The following CNTN4 variants were observed in gnomAD, a reference collection of about 807,000 sequenced individuals.
CNTN4 encodes contactin 4.
In CNTN4, 77 loss-of-function variants were observed where a neutral mutation model predicts 122.5. That is an observed-to-expected ratio of 0.63 (90% CI 0.52 to 0.76). The LOEUF (loss-of-function observed/expected upper bound fraction) is 0.76. CNTN4 is among the 30% of genes least tolerant of loss of function. The pLI, the probability that CNTN4 is intolerant of heterozygous loss-of-function variation, is 0.00. For synonymous variants in CNTN4, 512 were observed against 447.0 expected (o/e 1.15, Z -1.83); for missense variants, 1,256 against 1,259.1 (o/e 1.00, Z 0.04).
chr3:2,424,302 G>A (rs890218835), intron 3 of CNTN4, among the ~76,000 whole-genome samples: 4 of 143,766 alleles, frequency 2.8e-5, no homozygotes, highest in Middle Eastern at 4.0e-3. Flanking sequence ...ACCTATGAGT[G>A]AGAACATGTG....
intron 4 of CNTN4, among the ~76,000 whole-genome samples, chr3:2,732,100 C>A (rs138121274): frequency 3.7e-4 from 57 of 152,302 alleles, no homozygotes; most frequent in African/African-American, 1.3e-3. Context: ...CTCTCTAAAT[C>A]TTATCAAGCA....
At chr3:2,301,936 G>A (rs927330548) in intron 2 of CNTN4, among the ~76,000 whole-genome samples, 1 of 152,230 alleles carries the variant, frequency 6.6e-6, no homozygotes, top group Non-Finnish European at 1.5e-5. Context: ...TAGCCTGAAA[G>A]TCTGAAATTG....
At chr3:3,027,205 A>G (rs964759387) in intron 15 of CNTN4, among the ~76,000 whole-genome samples, 2 of 152,216 alleles carry the variant, frequency 1.3e-5, no homozygotes, top group Non-Finnish European at 2.9e-5. Flanking sequence ...TTTATCAAAC[A>G]GGGTTTTTGC....
At chr3:2,494,021 T>G (rs1254548824) in intron 3 of CNTN4, among the ~76,000 whole-genome samples, 1 of 151,796 alleles carries the variant, frequency 6.6e-6, no homozygotes, top group East Asian at 1.9e-4. Context: ...CTGGATTGTT[T>G]ATTAGGATTT....
intron 3 of CNTN4, among the ~76,000 whole-genome samples, chr3:2,483,159 TCA>T (rs1217958953): frequency 6.6e-6 from 1 of 152,216 alleles, no homozygotes; most frequent in African/African-American, 2.4e-5. Context: ...ACCTGTTGCA[TCA>T]GTTTGACCTG....
intron 2 of CNTN4, among the ~76,000 whole-genome samples, chr3:2,205,892 T>A (rs1207968072): frequency 2.0e-5 from 3 of 152,090 alleles, no homozygotes; most frequent in African/African-American, 7.2e-5. Context: ...AATCACTGAA[T>A]CAGCAGTTCT....
chr3:2,447,400 A>T (rs967676739), intron 3 of CNTN4, among the ~76,000 whole-genome samples: 6 of 152,168 alleles, frequency 3.9e-5, no homozygotes, highest in Admixed American at 3.9e-4. Flanking sequence ...CATTAAGTTG[A>T]TATCAGTGTA....
chr3:2,257,460 G>A (rs1443145960), intron 2 of CNTN4, among the ~76,000 whole-genome samples: 1 of 152,108 alleles, frequency 6.6e-6, no homozygotes, highest in Non-Finnish European at 1.5e-5. Context: ...AACCTAAAGA[G>A]CTTCCTCACA....
intron 2 of CNTN4, among the ~76,000 whole-genome samples, chr3:2,120,547 T>C (rs62244627): frequency 0.22 from 33,331 of 150,280 alleles, 4,601 homozygotes; most frequent in Admixed American, 0.33. Context: ...GGATTACAGG[T>C]GCACACCACT....
At chr3:2,737,377 A>G (rs1008253133) in intron 5 of CNTN4, among the ~76,000 whole-genome samples, 4 of 152,148 alleles carry the variant, frequency 2.6e-5, no homozygotes, top group Admixed American at 2.0e-4. Context: ...CACCACGCCC[A>G]GCCCGTAAAG....
At chr3:2,339,413 A>G (rs2044094202) in intron 3 of CNTN4, among the ~76,000 whole-genome samples, 180 bp downstream of exon 3, 1 of 152,190 alleles carries the variant, frequency 6.6e-6, no homozygotes, top group Non-Finnish European at 1.5e-5. Flanking sequence ...AAAGCCTGAA[A>G]CTAAGAAATA....
intron 12 of CNTN4, among the ~76,000 whole-genome samples, chr3:2,905,621 A>G (rs1037903103): frequency 2.3e-4 from 35 of 152,258 alleles, no homozygotes; most frequent in African/African-American, 8.4e-4. Context: ...TTCAGACTAT[A>G]GCAGTAGAGC....
intron 6 of CNTN4, among the ~76,000 whole-genome samples, chr3:2,794,248 A>G (rs1230215837): frequency 6.6e-6 from 1 of 152,196 alleles, no homozygotes; most frequent in African/African-American, 2.4e-5. Context: ...CCATCAGTAG[A>G]AAAAGACTTA....
At chr3:2,535,256 C>T (rs2077756519) in intron 3 of CNTN4, among the ~76,000 whole-genome samples, 1 of 152,100 alleles carries the variant, frequency 6.6e-6, no homozygotes, top group African/African-American at 2.4e-5. Context: ...ACTTGATCCT[C>T]CCCCTTTTAA....
chr3:2,509,974 G>T (rs1235578858), intron 3 of CNTN4, among the ~76,000 whole-genome samples: 1 of 152,154 alleles, frequency 6.6e-6, no homozygotes. Context: ...TTACTATCAG[G>T]TAGACACAGT....
At chr3:2,460,467 C>T (rs1359831731) in intron 3 of CNTN4, among the ~76,000 whole-genome samples, 1 of 152,122 alleles carries the variant, frequency 6.6e-6, no homozygotes, top group Non-Finnish European at 1.5e-5. Flanking sequence ...TGGAACTTTG[C>T]CATGACTGCT....
intron 3 of CNTN4, among the ~76,000 whole-genome samples, chr3:2,507,153 A>T (rs6809399): frequency 6.6e-6 from 1 of 151,888 alleles, no homozygotes; most frequent in Non-Finnish European, 1.5e-5. Flanking sequence ...CTCAGCACTC[A>T]GTTCTTCGGT....
In CNTN4 at chr3:2,704,296, CAAAAAA is replaced by C. The variant is rs151155380; in HGVS notation, c.56-31899_56-31894del. Among the ~76,000 whole-genome samples the C allele has an allele frequency of 4.3e-5, 3 of 69,494 alleles. No individual in the cohort carries two copies. In the South Asian group the frequency reaches 1.9e-3, roughly 43 times the overall value. 45.6% of individuals were successfully genotyped at this position (69,494 alleles called of 152,430 possible). A position where few individuals can be genotyped will look rare whatever the true frequency, so the allele number is the denominator to read the frequency against. On this transcript the variant is annotated intron_variant, in intron 4 of 24. Coordinates refer to ENST00000418658, the MANE Select transcript of CNTN4 (RefSeq NM_175607.3). ...TGGGTGACAGAGCGAGACTTCATTT[CAAAAAA>C]AAAAAAAAAAAAAAAAAAAGTTGAT...
chr3:2,906,309 C>A (rs758005382), intron 12 of CNTN4, among the ~76,000 whole-genome samples: 6 of 152,028 alleles, frequency 3.9e-5, no homozygotes, highest in Non-Finnish European at 7.4e-5. Context: ...ATCGTACTCT[C>A]AAAAAATGCT....
Sources: allele counts gnomAD v4.1 joint callset (sites outside exome capture counted in the v4.1 genomes callset), GRCh38; gene constraint gnomAD v4.1.1; transcripts MANE v1.5; gene names NCBI Gene and HGNC (gene_info 2026-07-23, HGNC 2026-07-21).